The following TMIGD1 variants were observed in gnomAD, a reference collection of about 807,000 sequenced individuals.
The protein encoded by TMIGD1 is transmembrane and immunoglobulin domain-containing protein 1.
In TMIGD1, 29 loss-of-function variants were observed where a neutral mutation model predicts 27.5. The observed-to-expected ratio is 1.05, with a 90% CI of 0.78 to 1.44. The LOEUF (loss-of-function observed/expected upper bound fraction) is 1.44. Ranked by LOEUF, TMIGD1 falls within the 40% of genes most tolerant of loss-of-function variation. The pLI, the probability that TMIGD1 is intolerant of heterozygous loss-of-function variation, is 0.00. For missense variants in TMIGD1, 334 were observed against 310.6 expected (o/e 1.08, Z -0.57); for synonymous variants, 109 against 110.3 (o/e 0.99, Z 0.07).
chr17:30,316,742 A>T, intron 6 of TMIGD1, 52 bp from the exon 7 acceptor site: 1 of 1,574,598 alleles, frequency 6.4e-7, no homozygotes, highest in Non-Finnish European at 8.7e-7. Flanking sequence ...AATAAGAAAA[A>T]AATTCAAAAC....
chr17:30,319,261 A>AAAAAAAAAAAAAATATATATAT lies in TMIGD1; in HGVS notation c.641-349_641-348insATATATATATTTTTTTTTTTTT. 1.3e-4 allele frequency among the ~76,000 whole-genome samples: 9 copies of AAAAAAAAAAAAAATATATATAT among 69,028 alleles called. 1 individual carries two copies. Among genetic ancestry groups the AAAAAAAAAAAAAATATATATAT allele is most frequent in the African/African-American group, 8.2e-4 (9 of 11,024 alleles). The allele number at this position is 69,028 out of a possible 152,430, so 45.3% of individuals were successfully genotyped here. On this transcript the variant is annotated intron_variant, in intron 4 of 6. Coordinates refer to ENST00000328886, the MANE Select transcript of TMIGD1 (RefSeq NM_206832.3). Reference sequence around the variant, plus strand: ...TGTAAAAAAAAAAGAAAAAAAAAAAAATATATATATATATATAGCTGGGCA... The same window carrying AAAAAAAAAAAAAATATATATAT: ...TGTAAAAAAAAAAGAAAAAAAAAAAAAAAAAAAAAAAAATATATATATATATATATATATATATAGCTGGGCA...
At chr17:30,321,896 A>G (rs564726411) in intron 4 of TMIGD1, among the ~76,000 whole-genome samples, 70 of 152,218 alleles carry the variant, frequency 4.6e-4, no homozygotes, top group Non-Finnish European at 8.1e-4. Context: ...TGGCATGATC[A>G]TGGCTCACTG....
intron 4 of TMIGD1, among the ~76,000 whole-genome samples, chr17:30,324,240 A>C (rs150969365): frequency 6.6e-6 from 1 of 152,200 alleles, no homozygotes; most frequent in Non-Finnish European, 1.5e-5. Context: ...TGAGCAAGAA[A>C]TATGAGGAGG....
intron 4 of TMIGD1, among the ~76,000 whole-genome samples, chr17:30,319,580 T>C (rs562904764): frequency 1.3e-5 from 2 of 152,032 alleles, no homozygotes; most frequent in South Asian, 4.2e-4. Context: ...CCACAGTTTT[T>C]GCCACACACA....
chr17:30,331,583 ATTTTTTT>A (rs71360742), intron 2 of TMIGD1, among the ~76,000 whole-genome samples: 1,738 of 133,176 alleles, frequency 0.013, 35 homozygotes, highest in African/African-American at 0.045. Flanking sequence ...TTTCCATTTG[ATTTTTTT>A]TTTTTTTTTT....
At chr17:30,321,390 A>G (rs1023098658) in intron 4 of TMIGD1, among the ~76,000 whole-genome samples, 5 of 152,232 alleles carry the variant, frequency 3.3e-5, no homozygotes, top group Non-Finnish European at 7.3e-5. Context: ...TTCTGATGCC[A>G]TCCAACGACG....
intron 5 of TMIGD1, among the ~76,000 whole-genome samples, chr17:30,317,575 A>C (rs891569957): frequency 6.6e-6 from 1 of 152,116 alleles, no homozygotes; most frequent in Admixed American, 6.6e-5. Context: ...CCTGGCCAAC[A>C]TGGTGAAACC....
At position 30,329,270 on chromosome 17, in the gene TMIGD1, C is replaced by T. The variant is rs779652773; in HGVS notation, c.342G>A (p.Ser114=). 6.8e-6 allele frequency: 11 copies of T among 1,613,646 alleles called. No individual in the cohort carries two copies. Among genetic ancestry groups the T allele is most frequent in the Admixed American group, 6.7e-5 (4 of 59,994 alleles). ...ACTCACAAGTAACATTCAGCACCACCGAAACGGACACGGACTGATCCCTCC... is the reference window on the plus strand; with the variant it reads ...ACTCACAAGTAACATTCAGCACCACTGAAACGGACACGGACTGATCCCTCC... ...RLGRDQSVSV[S]VVLNVTFPPL... The change falls in exon 3 of 7, where the codon TCG becomes TCA. Residue 114 remains serine (S), a synonymous_variant. Transcript: ENST00000328886.
At chr17:30,318,549 C>G (rs1453180176) in intron 5 of TMIGD1, among the ~76,000 whole-genome samples, 2 of 152,100 alleles carry the variant, frequency 1.3e-5, no homozygotes, top group Non-Finnish European at 2.9e-5. Flanking sequence ...GGAAAATCAG[C>G]CCCCAATTGC....
At position 30,332,063 on chromosome 17, in the gene TMIGD1, C is replaced by T. The variant is rs151207369; in HGVS notation, c.71G>A (p.Arg24His). ...GAACTTTAACTTACTTGTCATCTCA[C>T]GTGGCAGAAATAAAATTACTAAGAG... is the stretch of plus-strand genomic sequence containing the variant. The part of the protein sequence containing the change: ...FLLLVILFLP[R>H]EMTSSVLTVN... Residue 24 changes from arginine to histidine, a missense_variant, in exon 2 of 7, where the codon CGT becomes CAT. Transcript: ENST00000328886. 1.1e-4 allele frequency: 183 copies of T among 1,610,652 alleles called. 1 individual carries two copies. In the African/African-American group the frequency reaches 2.1e-3, roughly 19 times the overall value.
rs1237730606 is a variant in TMIGD1, at chr17:30,327,544, T to TTTTTATTTTATTTTATTTTA, written c.361+1687_361+1706dup. On this transcript the variant is annotated intron_variant, in intron 3 of 6. Coordinates refer to ENST00000328886, the MANE Select transcript of TMIGD1 (RefSeq NM_206832.3). ...CCGGGCCTTAGTTTCCTTAGCTGGC[T>TTTTTATTTTATTTTATTTTA]TTTTATTTTATTTTATTTTATTTTA... 1.7e-4 allele frequency among the ~76,000 whole-genome samples: 26 copies of TTTTTATTTTATTTTATTTTA among 151,908 alleles called. 1 individual carries two copies. Among genetic ancestry groups the TTTTTATTTTATTTTATTTTA allele is most frequent in the African/African-American group, 6.1e-4 (25 of 41,288 alleles).
intron 5 of TMIGD1, among the ~76,000 whole-genome samples, chr17:30,318,195 G>A (rs1333759610): frequency 1.3e-5 from 2 of 152,236 alleles, no homozygotes; most frequent in African/African-American, 4.8e-5. Context: ...TGGCTGCCCT[G>A]TTGCTATGTG....
At chr17:30,316,768 T>A (rs1469311139) in intron 6 of TMIGD1, 78 bp from the exon 7 acceptor site, 7 of 1,337,472 alleles carry the variant, frequency 5.2e-6, no homozygotes, top group Non-Finnish European at 7.4e-6. Flanking sequence ...CCATACTCTC[T>A]GACAACATGC....
At chr17:30,328,967 TCA>T (rs1909878790) in intron 3 of TMIGD1, among the ~76,000 whole-genome samples, 1 of 44,264 alleles carries the variant, frequency 2.3e-5, no homozygotes. Flanking sequence ...AGACTCTGTC[TCA>T]AAAAAAAAAA....
In TMIGD1 at chr17:30,316,353, T is replaced by A. The variant is rs1909412269; in HGVS notation, c.*334A>T. The A allele has an allele frequency of 4.7e-6, 1 of 211,868 alleles. No homozygotes were observed. Among genetic ancestry groups the A allele is most frequent in the South Asian group, 1.5e-4 (1 of 6,476 alleles). The allele number at this position is 211,868 out of a possible 1,614,324, so 13.1% of individuals were successfully genotyped here. A position where few individuals can be genotyped will look rare whatever the true frequency, so the allele number is the denominator to read the frequency against. Reference sequence around the variant, plus strand: ...CTTCCTTTTTTTTTTTTTTTGGCTTTGCACCAATTTGTGAGACCCAAGTAT... The same window carrying A: ...CTTCCTTTTTTTTTTTTTTTGGCTTAGCACCAATTTGTGAGACCCAAGTAT... On this transcript the variant is annotated 3_prime_UTR_variant, in exon 7 of 7. Transcript: ENST00000328886.
chr17:30,319,261 A>AAAAAATATATATATATATATATATAT, intron 4 of TMIGD1, among the ~76,000 whole-genome samples: 18 of 69,020 alleles, frequency 2.6e-4, no homozygotes, highest in African/African-American at 1.5e-3. Context: ...AAAAAAAAAA[A>AAAAAATATATATATATATATATATAT]ATATATATAT....
chr17:30,325,489 A>C (rs1182368959), intron 3 of TMIGD1, among the ~76,000 whole-genome samples: 2 of 151,944 alleles, frequency 1.3e-5, no homozygotes, highest in Non-Finnish European at 2.9e-5. Flanking sequence ...CATTGCAATT[A>C]GATCTAATTC....
At chr17:30,330,351 C>T (rs1021540315) in intron 2 of TMIGD1, among the ~76,000 whole-genome samples, 4 of 151,996 alleles carry the variant, frequency 2.6e-5, no homozygotes, top group Admixed American at 2.6e-4. Context: ...TATGTATATA[C>T]ATATACACAT....
rs1277295722 is a variant in TMIGD1 at position 30,332,074 on chromosome 17, TA to T, written c.59del (p.Leu20TyrfsTer7). On this transcript the variant is annotated frameshift_variant, in exon 2 of 7. Transcript: ENST00000328886. LOFTEE classifies it high-confidence loss of function. ...QMGRFLLLVILFLPREMTSSV... is the reference protein window; with the variant it reads ...QMGRFLLLVIXFLPREMTSSV... ...TACTTGTCATCTCACGTGGCAGAAA[TA>T]AAATTACTAAGAGAAGAAATCTTCC... 2 of 1,612,454 alleles carry T rather than the reference TA, an allele frequency of 1.2e-6. No homozygotes were observed. Among genetic ancestry groups the T allele is most frequent in the East Asian group, 4.5e-5 (2 of 44,834 alleles).
Sources: allele counts gnomAD v4.1 joint callset (sites outside exome capture counted in the v4.1 genomes callset), GRCh38; gene constraint gnomAD v4.1.1; transcripts MANE v1.5; gene names NCBI Gene and HGNC (gene_info 2026-07-23, HGNC 2026-07-21).